The following CAB39L variants were observed in gnomAD, a reference collection of about 807,000 sequenced individuals.
CAB39L encodes the protein calcium binding protein 39 like, also known as calcium-binding protein 39-like.
Under a neutral mutation model 39.1 loss-of-function variants are expected in CAB39L, and 23 were observed. The observed-to-expected ratio is 0.59, with a 90% CI of 0.42 to 0.83. The LOEUF is 0.83. Ranked by LOEUF, CAB39L falls within the 40% of genes least tolerant of loss-of-function variation. CAB39L has a pLI of 0.00. For missense variants in CAB39L, 366 were observed against 391.9 expected (o/e 0.93, Z 0.56); for synonymous variants, 126 against 137.2 (o/e 0.92, Z 0.57).
chr13:49,323,494 T>C (rs965311655), intron 10 of CAB39L, among the ~76,000 whole-genome samples: 3 of 152,178 alleles, frequency 2.0e-5, no homozygotes, highest in African/African-American at 7.2e-5. Context: ...CATCGGAAGG[T>C]CTGGCGAATG....
chr13:49,321,220 T>A (rs1191139788), intron 10 of CAB39L, among the ~76,000 whole-genome samples: 2 of 152,266 alleles, frequency 1.3e-5, no homozygotes, highest in Non-Finnish European at 2.9e-5. Context: ...ATTTTTTTCT[T>A]GTGCACGTCA....
intron 3 of CAB39L, among the ~76,000 whole-genome samples, chr13:49,410,522 C>CTGGT (rs1956970150): frequency 6.6e-6 from 1 of 152,084 alleles, no homozygotes; most frequent in Admixed American, 6.6e-5. Context: ...AACTTGTAAG[C>CTGGT]TGGTGCTCTG....
chr13:49,439,929 T>TTG (rs1555268111), intron 1 of CAB39L, among the ~76,000 whole-genome samples: 1 of 134,442 alleles, frequency 7.4e-6, no homozygotes, highest in Non-Finnish European at 1.6e-5. Context: ...GGGTTTTTTT[T>TTG]TTTTTTTTTT....
intron 5 of CAB39L, among the ~76,000 whole-genome samples, chr13:49,360,668 A>T (rs1955606566): frequency 6.6e-6 from 1 of 152,160 alleles, no homozygotes; most frequent in African/African-American, 2.4e-5. Flanking sequence ...AATCCCTATA[A>T]TCCCTATGTG....
intron 10 of CAB39L, among the ~76,000 whole-genome samples, chr13:49,327,911 T>TA (rs1385537681): frequency 6.6e-6 from 1 of 152,230 alleles, no homozygotes; most frequent in East Asian, 1.9e-4. Flanking sequence ...TTAAGGTGGA[T>TA]AACTTCTTAG....
chr13:49,315,791 A>G (rs1185150112), intron 10 of CAB39L, among the ~76,000 whole-genome samples: 1 of 151,470 alleles, frequency 6.6e-6, no homozygotes, highest in Non-Finnish European at 1.5e-5. Context: ...AAGCTGAGGC[A>G]GGAGAATGGC....
At chr13:49,442,812 A>C (rs1398131567) in intron 1 of CAB39L, among the ~76,000 whole-genome samples, 2 of 148,030 alleles carry the variant, frequency 1.4e-5, no homozygotes, top group Non-Finnish European at 3.0e-5. Context: ...AAAAAAAAAA[A>C]AAAAAAACAT....
intron 5 of CAB39L, among the ~76,000 whole-genome samples, chr13:49,375,166 CAT>C (rs1290992706): frequency 6.6e-6 from 1 of 152,092 alleles, no homozygotes; most frequent in South Asian, 2.1e-4. Flanking sequence ...TATAACACAA[CAT>C]ATATATGTAT....
intron 10 of CAB39L, among the ~76,000 whole-genome samples, chr13:49,326,213 A>G (rs903400660): frequency 4.6e-5 from 7 of 152,198 alleles, no homozygotes; most frequent in African/African-American, 1.7e-4. Flanking sequence ...AGATCATCTC[A>G]TAATGTATCC....
chr13:49,370,065 G>A (rs979819469), intron 5 of CAB39L, among the ~76,000 whole-genome samples: 4 of 152,106 alleles, frequency 2.6e-5, no homozygotes, highest in South Asian at 2.1e-4. Context: ...GTTGAGGTGG[G>A]TGGGAGCAAG....
At chr13:49,396,691 T>C (rs989086510) in intron 3 of CAB39L, among the ~76,000 whole-genome samples, 4 of 151,788 alleles carry the variant, frequency 2.6e-5, no homozygotes, top group East Asian at 3.9e-4. Flanking sequence ...CTGGGTGATA[T>C]AGCGAGATTC....
intron 3 of CAB39L, among the ~76,000 whole-genome samples, chr13:49,389,793 C>T (rs1253075284): frequency 1.3e-5 from 2 of 152,200 alleles, no homozygotes; most frequent in African/African-American, 4.8e-5. Context: ...TATCACCCAT[C>T]CTTCCTAACA....
intron 1 of CAB39L, among the ~76,000 whole-genome samples, chr13:49,443,682 A>G (rs1005218931): frequency 6.6e-6 from 1 of 152,112 alleles, no homozygotes; most frequent in African/African-American, 2.4e-5. Flanking sequence ...TAAGGCATCA[A>G]AGGCCCCGCC....
chr13:49,394,216 A>C (rs1283705443), intron 3 of CAB39L, among the ~76,000 whole-genome samples: 5 of 152,040 alleles, frequency 3.3e-5, no homozygotes, highest in Non-Finnish European at 5.9e-5. Context: ...AAGACAATTA[A>C]GAAAATCATT....
In CAB39L at chr13:49,369,786, C is replaced by T. The variant is rs369939402; in HGVS notation, c.276+7181G>A. 7.2e-5 allele frequency among the ~76,000 whole-genome samples: 11 copies of T among 152,142 alleles called. No individual in the cohort carries two copies. The East Asian group carries it at 7.7e-4, about 11-fold the overall frequency. ...TATTTTTAGTAGAGACAGGGTTTCA[C>T]CATGTTGGCCAGGATGGTCTCGGGC... On this transcript the variant is annotated intron_variant, in intron 5 of 10. Transcript: ENST00000409308.
chr13:49,343,580 G>A (rs1308321172), intron 8 of CAB39L, among the ~76,000 whole-genome samples: 3 of 150,448 alleles, frequency 2.0e-5, no homozygotes, highest in Non-Finnish European at 4.4e-5. Context: ...GAGAGAGAGA[G>A]AAGAAAGAGA....
intron 9 of CAB39L, among the ~76,000 whole-genome samples, chr13:49,339,125 CTTTTTTTTTTTTTT>C (rs1215081648): frequency 2.0e-5 from 2 of 99,920 alleles, no homozygotes; most frequent in African/African-American, 8.8e-5. Context: ...TTTTACATGT[CTTTTTTTTTTTTTT>C]TTTTTTTTGA....
intron 3 of CAB39L, among the ~76,000 whole-genome samples, chr13:49,407,482 A>T (rs1826415418): frequency 6.6e-6 from 1 of 152,186 alleles, no homozygotes; most frequent in South Asian, 2.1e-4. Flanking sequence ...TGGTTAAAAA[A>T]GAGTTCATTG....
Position 49,342,391 on chromosome 13 carries a change from C to T in CAB39L, c.624+1788G>A, listed in dbSNP as rs138261796. Among the ~76,000 whole-genome samples, 962 of 152,100 alleles carry T rather than the reference C, an allele frequency of 6.3e-3. 19 individuals are homozygous for T. Among genetic ancestry groups the T allele is most frequent in the African/African-American group, 0.023 (939 of 41,502 alleles). On this transcript the variant is annotated intron_variant, in intron 8 of 10. Coordinates refer to ENST00000409308, the MANE Select transcript of CAB39L (RefSeq NM_001079670.3). ...TTTACCTTAATTTACTTATTACTAC[C>T]ATAAATATCATATACACATGAAATT...
Sources: allele counts gnomAD v4.1 joint callset (sites outside exome capture counted in the v4.1 genomes callset), GRCh38; gene constraint gnomAD v4.1.1; transcripts MANE v1.5; gene names NCBI Gene and HGNC (gene_info 2026-07-23, HGNC 2026-07-21).